TENM3: variants seen among roughly 807,000 people sequenced by gnomAD.
TENM3 encodes teneurin transmembrane protein 3.
TENM3 carries 63 observed loss-of-function variants against 255.1 expected under a neutral mutation model. The ratio of observed to expected loss-of-function variants is 0.25; its 90% CI spans 0.20 to 0.30. The LOEUF is 0.30. Among genes scored for constraint, TENM3 ranks in the 10% least tolerant of loss-of-function variants. TENM3 has a pLI of 1.00. For missense variants in TENM3, 2,929 were observed against 3,461.1 expected, an observed-to-expected ratio of 0.85 and a Z score of 3.86; for synonymous variants, 1,306 against 1,322.3, an observed-to-expected ratio of 0.99 and a Z score of 0.27.
the TENM3 span, among the ~76,000 whole-genome samples, chr4:181,497,973 G>A: frequency 6.6e-6 from 1 of 152,106 alleles, no homozygotes; most frequent in African/African-American, 2.4e-5. Context: ...GCTTTCTACT[G>A]CAGTACAAGA....
intron 3 of TENM3, among the ~76,000 whole-genome samples, chr4:182,502,026 T>G (rs1736367437): frequency 6.6e-6 from 1 of 152,212 alleles, no homozygotes. Context: ...TGAAATCATT[T>G]GCTGTCAGAA....
At chr4:181,549,669 T>C in the TENM3 span, among the ~76,000 whole-genome samples, 1 of 152,224 alleles carries the variant, frequency 6.6e-6, no homozygotes, top group Non-Finnish European at 1.5e-5. Flanking sequence ...GCCTGACTTA[T>C]TCCAGGAAAA....
chr4:181,662,824 T>C, the TENM3 span, among the ~76,000 whole-genome samples: 1 of 152,192 alleles, frequency 6.6e-6, no homozygotes, highest in Non-Finnish European at 1.5e-5. Context: ...AGGATTACTA[T>C]TTTACCCTCT....
chr4:182,769,155 T>A (rs540525110), intron 22 of TENM3, among the ~76,000 whole-genome samples: 1 of 152,294 alleles, frequency 6.6e-6, no homozygotes, highest in East Asian at 1.9e-4. Flanking sequence ...CATATCTAGT[T>A]GTTGGAAAGG....
At chr4:182,671,694 G>A (rs2152550374) in intron 6 of TENM3, among the ~76,000 whole-genome samples, 1 of 152,242 alleles carries the variant, frequency 6.6e-6, no homozygotes, top group East Asian at 1.9e-4. Flanking sequence ...GCTGCCGCTA[G>A]CAGACACTCA....
intron 4 of TENM3, among the ~76,000 whole-genome samples, chr4:182,612,755 A>T (rs1749138265): frequency 1.3e-5 from 2 of 152,090 alleles, no homozygotes; most frequent in Admixed American, 6.5e-5. Flanking sequence ...AGACACACAC[A>T]CACACACACA....
chr4:181,906,929 A>T, the TENM3 span, among the ~76,000 whole-genome samples: 1 of 152,016 alleles, frequency 6.6e-6, no homozygotes, highest in Non-Finnish European at 1.5e-5. Context: ...CCCAGGCTGG[A>T]GTGCCCTGGC....
intron 3 of TENM3, among the ~76,000 whole-genome samples, chr4:182,360,804 T>G (rs1354170861): frequency 6.6e-6 from 1 of 152,184 alleles, no homozygotes; most frequent in Non-Finnish European, 1.5e-5. Flanking sequence ...TTGATGCAGT[T>G]TCATCCTAGT....
chr4:181,770,799 A>G, the TENM3 span, among the ~76,000 whole-genome samples: 1 of 152,294 alleles, frequency 6.6e-6, no homozygotes, highest in Admixed American at 6.5e-5. Context: ...ACTATCTATG[A>G]TATGTATGTT....
At chr4:182,495,936 T>C (rs183801154) in intron 3 of TENM3, among the ~76,000 whole-genome samples, 60 of 152,318 alleles carry the variant, frequency 3.9e-4, no homozygotes, top group Non-Finnish European at 7.8e-4. Flanking sequence ...TCCTTTGCTA[T>C]AAATAGGAGA....
At chr4:181,965,364 C>A in the TENM3 span, among the ~76,000 whole-genome samples, 7 of 152,132 alleles carry the variant, frequency 4.6e-5, no homozygotes, top group African/African-American at 1.2e-4. Flanking sequence ...TTATCATGGA[C>A]GTTTTCAAGC....
chr4:182,442,513 T>A (rs1772567900), intron 3 of TENM3, among the ~76,000 whole-genome samples: 1 of 152,174 alleles, frequency 6.6e-6, no homozygotes, highest in Non-Finnish European at 1.5e-5. Flanking sequence ...TTCTAAACAA[T>A]CAAAACAAAG....
chr4:181,485,954 A>T, the TENM3 span, among the ~76,000 whole-genome samples: 1 of 152,142 alleles, frequency 6.6e-6, no homozygotes, highest in Admixed American at 6.6e-5. Context: ...TGCGTGAAAA[A>T]TTTTAAGATG....
chr4:182,765,787 G>A (rs139651588), intron 22 of TENM3, among the ~76,000 whole-genome samples: 1 of 152,254 alleles, frequency 6.6e-6, no homozygotes, highest in East Asian at 1.9e-4. Context: ...AGGCTCCTTA[G>A]TAATTAAAAA....
chr4:181,536,127 AC>A, the TENM3 span, among the ~76,000 whole-genome samples: 1 of 152,204 alleles, frequency 6.6e-6, no homozygotes, highest in Admixed American at 6.5e-5. Flanking sequence ...GCTTAGCACA[AC>A]TTCTGGTGAA....
the TENM3 span, among the ~76,000 whole-genome samples, chr4:181,962,537 T>C: frequency 1.3e-5 from 2 of 152,244 alleles, no homozygotes; most frequent in Admixed American, 1.3e-4. Context: ...GAATTTGGTT[T>C]GGATGAAACA....
chr4:182,049,975 T>C, the TENM3 span, among the ~76,000 whole-genome samples: 1 of 146,648 alleles, frequency 6.8e-6, no homozygotes, highest in Non-Finnish European at 1.5e-5. Context: ...GTTTAAAAAA[T>C]ATGTATTTTT....
chr4:181,676,764 G>A, the TENM3 span, among the ~76,000 whole-genome samples: 2 of 152,058 alleles, frequency 1.3e-5, no homozygotes, highest in African/African-American at 2.4e-5. Flanking sequence ...AGATAATGGA[G>A]CCAAAACACT....
At position 182,356,972 on chromosome 4, in the gene TENM3, G is replaced by GT. The variant is rs771535949; in HGVS notation, c.511+10049dup. 2.0e-5 allele frequency among the ~76,000 whole-genome samples: 3 copies of GT among 150,396 alleles called. No individual in the cohort carries two copies. The South Asian group carries it at 6.3e-4, about 32-fold the overall frequency. ...TATGAGTGAGAATATGCGGTGTTTGGTTTTTTGTTCTTGCAATAGTTTACT... is the reference window on the plus strand; with the variant it reads ...TATGAGTGAGAATATGCGGTGTTTGGTTTTTTTGTTCTTGCAATAGTTTACT... On this transcript the variant is annotated intron_variant, in intron 3 of 27. Coordinates refer to ENST00000511685, the MANE Select transcript of TENM3 (RefSeq NM_001080477.4).
Sources: allele counts gnomAD v4.1 joint callset (sites outside exome capture counted in the v4.1 genomes callset), GRCh38; gene constraint gnomAD v4.1.1; transcripts MANE v1.5; gene names NCBI Gene and HGNC (gene_info 2026-07-23, HGNC 2026-07-21).